TBX18: variants seen among roughly 807,000 people sequenced by gnomAD.
The protein encoded by TBX18 is T-box transcription factor TBX18.
TBX18 carries 21 observed loss-of-function variants against 55.0 expected under a neutral mutation model. The observed-to-expected ratio is 0.38, with a 90% confidence interval of 0.27 to 0.55. The LOEUF is 0.55. Among genes scored for constraint, TBX18 ranks in the 20% least tolerant of loss-of-function variants. The pLI is 0.73. For missense variants in TBX18, 840 were observed against 799.6 expected, an observed-to-expected ratio of 1.05 and a Z score of -0.61; for synonymous variants, 342 against 326.1, an observed-to-expected ratio of 1.05 and a Z score of -0.53.
At chr6:84,749,204 C>T (rs1767276166) in intron 4 of TBX18, among the ~76,000 whole-genome samples, 2 of 152,144 alleles carry the variant, frequency 1.3e-5, no homozygotes, top group South Asian at 2.1e-4. Flanking sequence ...TATTCAGGTA[C>T]TCATTAAGGA....
rs568929093 is a variant in TBX18, at chr6:84,734,683, G to A, written c.*2002C>T. 1.2e-4 allele frequency: 19 copies of A among 152,512 alleles called. No homozygotes were observed. Among genetic ancestry groups the A allele is most frequent in the Admixed American group, 3.3e-4 (5 of 15,270 alleles). The allele number at this position is 152,512 out of a possible 1,614,324, so 9.4% of individuals were successfully genotyped here. ...TGTGGTATCATCTGAAATGATCAAC[G>A]GCAAGAAGGAAAATGCTCTTATTAA... is the stretch of plus-strand genomic sequence containing the variant. On this transcript the variant is annotated 3_prime_UTR_variant, in exon 8 of 8. Transcript: ENST00000369663.
chr6:84,736,922 T>G lies in TBX18; in HGVS notation c.1587A>C (p.Leu529=). The change falls in exon 8 of 8, where the codon CTA becomes CTC. Residue 529 remains leucine (L), a synonymous_variant. Transcript: ENST00000369663. The part of the protein sequence containing the change: ...NTFRLHSPCA[L]YGYNFSTSPK... ...GGGATGTGGAGAAGTTATATCCATA[T>G]AGTGCACAGGGGCTGTGTAATCTAA... 1 of 1,612,580 alleles carries G rather than the reference T, an allele frequency of 6.2e-7. No individual in the cohort carries two copies.
At chr6:84,746,511 T>C (rs1365074952) in intron 5 of TBX18, among the ~76,000 whole-genome samples, 1 of 146,764 alleles carries the variant, frequency 6.8e-6, no homozygotes, top group Admixed American at 6.9e-5. Flanking sequence ...TTGATATTTA[T>C]AATTTTAATA....
In TBX18 at chr6:84,735,157, A is replaced by G. The variant is rs904732123; in HGVS notation, c.*1528T>C. ...GAGAGAAAATCATGCTCTTTTGCTT[A>G]AGATACATGAAATGTAATGAATGGG... is the stretch of plus-strand genomic sequence containing the variant. On this transcript the variant is annotated 3_prime_UTR_variant, in exon 8 of 8. Coordinates refer to ENST00000369663, the MANE Select transcript of TBX18 (RefSeq NM_001080508.3). The G allele has an allele frequency of 2.0e-5, 3 of 152,224 alleles. No individual in the cohort carries two copies. The highest frequency in any genetic ancestry group is 4.4e-5 in the Non-Finnish European group (3 of 68,034). The allele number at this position is 152,224 out of a possible 1,614,324, so 9.4% of individuals were successfully genotyped here. A position where few individuals can be genotyped will look rare whatever the true frequency, so the allele number is the denominator to read the frequency against.
intron 2 of TBX18, 127 bp downstream of exon 2, chr6:84,762,417 C>A: frequency 8.8e-7 from 1 of 1,141,474 alleles, no homozygotes; most frequent in South Asian, 1.3e-5. Context: ...GGGGCCTGGT[C>A]CCGTTTGACC....
intron 5 of TBX18, among the ~76,000 whole-genome samples, chr6:84,744,930 G>A (rs2127874140): frequency 6.6e-6 from 1 of 152,128 alleles, no homozygotes; most frequent in African/African-American, 2.4e-5. Flanking sequence ...AACCTGGTCA[G>A]AGCACTACAG....
At chr6:84,756,554 A>C in intron 4 of TBX18, 144 bp downstream of exon 4, 1 of 752,932 alleles carries the variant, frequency 1.3e-6, no homozygotes, top group East Asian at 2.8e-5. Context: ...TGCAAATATA[A>C]ACTTGATTCT....
intron 5 of TBX18, 36 bp downstream of exon 5, chr6:84,747,884 A>G (rs1767238237): frequency 5.1e-6 from 8 of 1,580,062 alleles, no homozygotes; most frequent in Non-Finnish European, 6.9e-6. Flanking sequence ...ACCTGAAATG[A>G]AAAATCTACA....
intron 4 of TBX18, among the ~76,000 whole-genome samples, chr6:84,749,468 T>C (rs1468433929): frequency 6.8e-6 from 1 of 146,628 alleles, no homozygotes; most frequent in African/African-American, 2.5e-5. Flanking sequence ...GGCAGTGCTG[T>C]GGCTAAGATT....
chr6:84,745,126 T>C (rs56081298), intron 5 of TBX18, among the ~76,000 whole-genome samples: 7,680 of 152,272 alleles, frequency 0.05, 236 homozygotes, highest in African/African-American at 0.079. Context: ...CTATATATGA[T>C]GTTTTAGTTT....
At position 84,736,472 on chromosome 6, in the gene TBX18, C is replaced by T. The variant is rs1466378047; in HGVS notation, c.*213G>A. 1.7e-5 allele frequency: 7 copies of T among 402,754 alleles called. No homozygotes were observed. Among genetic ancestry groups the T allele is most frequent in the Non-Finnish European group, 2.5e-5 (6 of 239,736 alleles). 24.9% of individuals were successfully genotyped at this position (402,754 alleles called of 1,614,324 possible). On this transcript the variant is annotated 3_prime_UTR_variant, in exon 8 of 8. Transcript: ENST00000369663. ...GATGAAACAGGGGAACAATAGGGGC[C>T]GTGATACTCCATGTGCTATGTATAT...
At chr6:84,750,352 G>C (rs1173147953) in intron 4 of TBX18, among the ~76,000 whole-genome samples, 1 of 151,544 alleles carries the variant, frequency 6.6e-6, no homozygotes, top group African/African-American at 2.4e-5. Context: ...TATCTCAGCA[G>C]GGTTGAAAGA....
chr6:84,754,708 G>A (rs1022683469), intron 4 of TBX18, among the ~76,000 whole-genome samples: 6 of 152,208 alleles, frequency 3.9e-5, no homozygotes, highest in Non-Finnish European at 8.8e-5. Flanking sequence ...TCAAACACCA[G>A]TCTGGATGTT....
intron 2 of TBX18, 120 bp downstream of exon 2, chr6:84,762,424 G>T: frequency 8.1e-7 from 1 of 1,231,128 alleles, no homozygotes; most frequent in Non-Finnish European, 1.2e-6. Context: ...GGTCCCGTTT[G>T]ACCGAAAATG....
At chr6:84,750,771 T>C (rs893339541) in intron 4 of TBX18, among the ~76,000 whole-genome samples, 7 of 151,654 alleles carry the variant, frequency 4.6e-5, no homozygotes, top group Non-Finnish European at 1.0e-4. Context: ...ACAGAAGCAG[T>C]TAATTGAGCC....
Position 84,763,985 on chromosome 6 carries a change from G to A in TBX18, c.197C>T (p.Ser66Phe). 6.3e-7 allele frequency: 1 copy of A among 1,581,282 alleles called. No homozygotes were observed. The highest frequency in any genetic ancestry group is 1.1e-5 in the South Asian group (1 of 87,976). The change falls in exon 1 of 8, where the codon TCT (serine) becomes TTT (phenylalanine). Residue 66 changes from serine to phenylalanine, a missense_variant. By Grantham distance (155) the Ser-to-Phe change is radical. Transcript: ENST00000369663. ...SRGGGAGEKG[S>F]SEGDEGAALP... ...CGCAGCGCCTTCGTCTCCCTCAGAA[G>A]AACCCTTTTCGCCCGCGCCGCCGCC...
chr6:84,761,559 T>C (rs1257030263), intron 2 of TBX18, among the ~76,000 whole-genome samples: 2 of 152,210 alleles, frequency 1.3e-5, no homozygotes, highest in Admixed American at 1.3e-4. Flanking sequence ...TTTTTTGTAA[T>C]TTCTAATAAG....
At chr6:84,763,275 C>T (rs1024597647) in intron 1 of TBX18, 65 of 416,160 alleles carry the variant, frequency 1.6e-4, no homozygotes, top group Non-Finnish European at 2.8e-4. Context: ...GAGGCATCTT[C>T]TAGAAGGCTC....
chr6:84,762,216 A>G (rs1396577368), intron 2 of TBX18, among the ~76,000 whole-genome samples: 2 of 152,218 alleles, frequency 1.3e-5, no homozygotes, highest in Non-Finnish European at 2.9e-5. Context: ...GCCTAAATAA[A>G]TACCTGGACA....
Sources: gnomAD v4.1 joint callset for allele counts (sites outside exome capture counted in the v4.1 genomes callset) on GRCh38, gnomAD v4.1.1 for gene constraint, MANE v1.5 for transcripts, NCBI Gene and HGNC (gene_info 2026-07-23, HGNC 2026-07-21) for gene names.